The following CPLX2 variants were observed in gnomAD, a reference collection of about 807,000 sequenced individuals.
The protein encoded by CPLX2 is complexin-2.
CPLX2 carries 5 observed loss-of-function variants against 16.3 expected under a neutral mutation model. The observed-to-expected ratio is 0.31, with a 90% CI of 0.16 to 0.64. The LOEUF is 0.64. CPLX2 is among the 30% of genes least tolerant of loss of function. The pLI is 0.79. For missense variants in CPLX2, 144 were observed against 181.4 expected (o/e 0.79, Z 1.18); for synonymous variants, 89 against 73.2 (o/e 1.22, Z -1.10).
intron 2 of CPLX2, among the ~76,000 whole-genome samples, chr5:175,851,221 G>A (rs1006266311): frequency 2.0e-5 from 3 of 152,074 alleles, no homozygotes; most frequent in Admixed American, 6.5e-5. Context: ...TTTGGTTTGA[G>A]CTGGGGAGCC....
intron 2 of CPLX2, among the ~76,000 whole-genome samples, chr5:175,821,688 G>A (rs182412857): frequency 2.6e-5 from 4 of 152,294 alleles, no homozygotes; most frequent in East Asian, 1.9e-4. Context: ...GATTACAGGC[G>A]TGAGCCACCA....
intron 1 of CPLX2, among the ~76,000 whole-genome samples, chr5:175,797,222 C>G (rs945520069): frequency 2.6e-5 from 4 of 152,168 alleles, no homozygotes; most frequent in Admixed American, 2.6e-4. Context: ...GGGCCCCCAG[C>G]GCGCCTAGGG....
intron 2 of CPLX2, among the ~76,000 whole-genome samples, chr5:175,859,350 A>T (rs1014775075): frequency 6.6e-6 from 1 of 152,256 alleles, no homozygotes; most frequent in African/African-American, 2.4e-5. Context: ...AAGAGGCCAG[A>T]TAAAGAACTG....
rs370090674 is a variant in CPLX2 at position 175,833,118 on chromosome 5, C to T, written c.-89+24050C>T. Among the ~76,000 whole-genome samples, 10 of 145,186 alleles carry T rather than the reference C, an allele frequency of 6.9e-5. No homozygotes were observed. In the East Asian group the frequency reaches 1.3e-3, roughly 19 times the overall value. On this transcript the variant is annotated intron_variant, in intron 2 of 4. Coordinates refer to the CPLX2 transcript ENST00000359546. The stretch of plus-strand genomic sequence containing the variant: ...TTGCAATGAGCTGAGATCGCGCCAC[C>T]GTGCTCCAGCCTAGATGACAAAAGT...
intron 2 of CPLX2, among the ~76,000 whole-genome samples, chr5:175,831,742 T>C (rs1031142407): frequency 1.3e-5 from 2 of 152,142 alleles, no homozygotes; most frequent in Non-Finnish European, 2.9e-5. Context: ...CCAAGAACTA[T>C]GACATGGGAT....
Position 175,865,173 on chromosome 5 carries a change from C to T in CPLX2, c.-88-13479C>T, listed in dbSNP as rs114041794. ...ACTCTTTCTCTTTCTTTCATTTCCT[C>T]GACCAGAGGCCCCATAAGCTTATTA... On this transcript the variant is annotated intron_variant, in intron 2 of 4. Coordinates refer to the CPLX2 transcript ENST00000359546. Among the ~76,000 whole-genome samples the T allele has an allele frequency of 3.4e-3, 519 of 152,278 alleles. 5 individuals carry two copies. The highest frequency in any genetic ancestry group is 0.012 in the African/African-American group (504 of 41,538).
At chr5:175,807,776 C>T (rs530974895) in intron 1 of CPLX2, among the ~76,000 whole-genome samples, 1 of 152,294 alleles carries the variant, frequency 6.6e-6, no homozygotes, top group East Asian at 1.9e-4. Context: ...CCACTGGGCT[C>T]GGCCCCAAGA....
Position 175,879,038 on chromosome 5 carries a change from C to T in CPLX2, c.162C>T (p.Arg54=). 1 of 1,590,302 alleles carries T rather than the reference C, an allele frequency of 6.3e-7. No homozygotes were observed. Among genetic ancestry groups the T allele is most frequent in the Non-Finnish European group, 8.6e-7 (1 of 1,168,812 alleles). The part of the protein sequence containing the change: ...QEEERKAKHA[R]MEAEREKVRQ... Reference sequence around the variant, plus strand: ...AGGAGCGTAAGGCCAAGCACGCGCGCATGGAGGCGGAGCGGGAGAAGGTCC... The same window carrying T: ...AGGAGCGTAAGGCCAAGCACGCGCGTATGGAGGCGGAGCGGGAGAAGGTCC... The change falls in exon 3 of 4, where the codon CGC becomes CGT. Residue 54 remains arginine, a synonymous_variant. Transcript: ENST00000393745.
chr5:175,824,107 T>A (rs1758563029), intron 2 of CPLX2, among the ~76,000 whole-genome samples: 2 of 152,174 alleles, frequency 1.3e-5, no homozygotes, highest in Non-Finnish European at 2.9e-5. Flanking sequence ...GGACATCCAC[T>A]CCAGGGGTCC....
Position 175,845,586 on chromosome 5 carries a change from T to C in CPLX2, c.-88-33066T>C, listed in dbSNP as rs551447557. Among the ~76,000 whole-genome samples, 2 of 152,340 alleles carry C rather than the reference T, an allele frequency of 1.3e-5. No homozygotes were observed. Among genetic ancestry groups the C allele is most frequent in the South Asian group, 2.1e-4 (1 of 4,824 alleles). ...TTTTCTTCATATTTTCTTCAGAGCA[T>C]TGCCTGAAATTATCTTGTCTTTGCA... is the stretch of plus-strand genomic sequence containing the variant. On this transcript the variant is annotated intron_variant, in intron 2 of 4. Transcript: ENST00000359546. The surrounding 1 kb of genome is among the most constrained non-coding windows in gnomAD (Gnocchi z 4.0).
Position 175,830,067 on chromosome 5 carries a change from G to GCCCTC in CPLX2, c.-89+21001_-89+21005dup, listed in dbSNP as rs1758704593. Among the ~76,000 whole-genome samples the GCCCTC allele has an allele frequency of 1.3e-5, 2 of 152,184 alleles. No homozygotes were observed. The highest frequency in any genetic ancestry group is 2.4e-5 in the African/African-American group (1 of 41,452). Reference sequence around the variant, plus strand: ...TCTCTCATCCACCAGCGTGGCTGCGGCCCTCCGTGCTCTCTGGGGTTCTGA... The same window carrying GCCCTC: ...TCTCTCATCCACCAGCGTGGCTGCGGCCCTCCCCTCCGTGCTCTCTGGGGTTCTGA... On this transcript the variant is annotated intron_variant, in intron 2 of 4. Coordinates refer to the CPLX2 transcript ENST00000359546. The surrounding 1 kb of genome is among the most constrained non-coding windows in gnomAD (Gnocchi z 4.0).
intron 2 of CPLX2, among the ~76,000 whole-genome samples, chr5:175,820,694 C>A (rs148260655): frequency 1.3e-5 from 2 of 152,222 alleles, no homozygotes; most frequent in Non-Finnish European, 2.9e-5. Flanking sequence ...CTGTCTCACC[C>A]GCCCTGTCCT....
chr5:175,846,368 TCC>T (rs1296419925), intron 2 of CPLX2, among the ~76,000 whole-genome samples: 2 of 152,140 alleles, frequency 1.3e-5, no homozygotes, highest in Non-Finnish European at 2.9e-5. Flanking sequence ...TCTCTCCACC[TCC>T]CTCTGCCTGT....
At chr5:175,836,817 C>G (rs759007488) in intron 2 of CPLX2, among the ~76,000 whole-genome samples, 11 of 152,260 alleles carry the variant, frequency 7.2e-5, no homozygotes, top group Non-Finnish European at 2.9e-5. Flanking sequence ...CAGCAGCCAT[C>G]GTCCCAGCTG....
chr5:175,878,631 A>G, intron 1 of CPLX2, 21 bp from the exon 2 acceptor site: 4 of 1,269,850 alleles, frequency 3.1e-6, no homozygotes, highest in Non-Finnish European at 4.5e-6. Context: ...CTCCCATCTG[A>G]CTCCCAATTC....
At chr5:175,878,841 G>A (rs1190474469) in intron 2 of CPLX2, 67 bp from the exon 3 acceptor site, 5 of 1,606,488 alleles carry the variant, frequency 3.1e-6, no homozygotes, top group Non-Finnish European at 4.3e-6. Flanking sequence ...CGGCCCACCC[G>A]GCCCCTCTCT....
At chr5:175,812,296 G>C (rs77428200) in intron 2 of CPLX2, among the ~76,000 whole-genome samples, 1,569 of 152,302 alleles carry the variant, frequency 0.01, 21 homozygotes, top group African/African-American at 0.036. Context: ...ACCTGAGGGA[G>C]ACAGGAATGA....
In CPLX2 at chr5:175,882,429, A is replaced by C. The variant is rs574082384; in HGVS notation, c.*2384A>C. On this transcript the variant is annotated 3_prime_UTR_variant, in exon 4 of 4. Transcript: ENST00000393745. ...CAAACCTCGACAGTGATGCAAGGAC[A>C]CAGAGAGTACCAGATAGGTAGCAGA... The C allele has an allele frequency of 2.0e-5, 3 of 152,850 alleles. No individual in the cohort carries two copies. The East Asian group carries it at 5.8e-4, about 30-fold the overall frequency. 9.5% of individuals were successfully genotyped at this position (152,850 alleles called of 1,614,324 possible). A position where few individuals can be genotyped will look rare whatever the true frequency, so the allele number is the denominator to read the frequency against.
intron 2 of CPLX2, among the ~76,000 whole-genome samples, chr5:175,858,445 G>A (rs1297443316): frequency 6.6e-6 from 1 of 152,208 alleles, no homozygotes; most frequent in African/African-American, 2.4e-5. Context: ...GGGAGCATGG[G>A]CCACTTTATC....
Sources: gnomAD v4.1 joint callset for allele counts (sites outside exome capture counted in the v4.1 genomes callset) on GRCh38, gnomAD v4.1.1 for gene constraint, Gnocchi (gnomAD v3.1) non-coding constraint, MANE v1.5 for transcripts, NCBI Gene and HGNC (gene_info 2026-07-23, HGNC 2026-07-21) for gene names.